The following WBP1L variants were observed in gnomAD, a reference collection of about 807,000 sequenced individuals.
The protein encoded by WBP1L is WW domain binding protein 1-like.
In WBP1L, 17 loss-of-function variants were observed where a neutral mutation model predicts 33.7. The observed-to-expected ratio is 0.50, with a 90% CI of 0.34 to 0.76. The LOEUF (loss-of-function observed/expected upper bound fraction) is 0.76, where lower values mean the gene tolerates loss of function less well. WBP1L is among the 30% of genes least tolerant of loss of function. WBP1L has a pLI of 0.01. For missense variants in WBP1L, 389 were observed against 469.4 expected (o/e 0.83, Z 1.58); for synonymous variants, 173 against 190.8 (o/e 0.91, Z 0.77).
chr10:102,808,909 TAAGAG>T (rs1843783257), intron 2 of WBP1L, among the ~76,000 whole-genome samples: 1 of 152,092 alleles, frequency 6.6e-6, no homozygotes, highest in South Asian at 2.1e-4. Context: ...AGAAATCTCT[TAAGAG>T]AGGAGGAGGA....
chr10:102,778,997 A>C (rs1843301779), intron 1 of WBP1L, among the ~76,000 whole-genome samples: 1 of 152,096 alleles, frequency 6.6e-6, no homozygotes, highest in Non-Finnish European at 1.5e-5. Flanking sequence ...AGAAAGGGTA[A>C]TTGAAGATTT....
At chr10:102,774,746 T>G (rs577974323) in intron 1 of WBP1L, among the ~76,000 whole-genome samples, 1 of 152,148 alleles carries the variant, frequency 6.6e-6, no homozygotes, top group Non-Finnish European at 1.5e-5. Context: ...ATAAGTATCA[T>G]GAAAGAAAAT....
chr10:102,749,108 A>G (rs953190361), intron 1 of WBP1L, among the ~76,000 whole-genome samples: 1 of 152,078 alleles, frequency 6.6e-6, no homozygotes, highest in Admixed American at 6.5e-5. Flanking sequence ...ATCCAGTAGA[A>G]CCTTCTGTGA....
intron 1 of WBP1L, among the ~76,000 whole-genome samples, chr10:102,793,563 T>C (rs766549447): frequency 4.6e-5 from 7 of 152,250 alleles, no homozygotes; most frequent in Non-Finnish European, 1.0e-4. Context: ...TTCATGTGTC[T>C]GGAGCAGCCC....
chr10:102,748,978 C>T (rs1278915391), intron 1 of WBP1L, among the ~76,000 whole-genome samples: 2 of 152,148 alleles, frequency 1.3e-5, no homozygotes, highest in East Asian at 3.9e-4. Context: ...GTGACATGTA[C>T]TCTGTGGCAG....
chr10:102,754,107 C>T (rs1393935681), intron 1 of WBP1L, among the ~76,000 whole-genome samples: 3 of 152,188 alleles, frequency 2.0e-5, no homozygotes, highest in Non-Finnish European at 2.9e-5. Flanking sequence ...AAATATTTTT[C>T]TCTCTTAGTA....
At chr10:102,763,091 C>G (rs1284324752) in intron 1 of WBP1L, among the ~76,000 whole-genome samples, 2 of 151,326 alleles carry the variant, frequency 1.3e-5, no homozygotes, top group African/African-American at 4.9e-5. Flanking sequence ...GTTGTCCCAG[C>G]TACTTCGGAA....
intron 1 of WBP1L, chr10:102,776,362 A>C (rs751871891): frequency 6.6e-5 from 106 of 1,613,990 alleles, no homozygotes; most frequent in Non-Finnish European, 7.9e-5. Flanking sequence ...CCTTTGTTCC[A>C]ACGTTAGTGT....
rs1389318009 is a variant in WBP1L, at chr10:102,813,736, C to T, written c.*405C>T. ...GTGCTCTGATTCTAGTTTAAGAGAA[C>T]GTTGCTGTATCTCAGTCCAGGAGAG... is the stretch of plus-strand genomic sequence containing the variant. On this transcript the variant is annotated 3_prime_UTR_variant, in exon 4 of 4. Coordinates refer to ENST00000448841, the MANE Select transcript of WBP1L (RefSeq NM_001083913.2). The T allele has an allele frequency of 1.7e-5, 3 of 178,708 alleles. No homozygotes were observed. The highest frequency in any genetic ancestry group is 3.6e-5 in the Non-Finnish European group (3 of 84,406). The allele number at this position is 178,708 out of a possible 1,614,324, so 11.1% of individuals were successfully genotyped here.
intron 1 of WBP1L, among the ~76,000 whole-genome samples, chr10:102,757,306 G>A (rs934334682): frequency 6.6e-6 from 1 of 152,208 alleles, no homozygotes; most frequent in Admixed American, 6.5e-5. Flanking sequence ...ACAGGCACAA[G>A]TCACCGCACC....
At chr10:102,810,691 A>T (rs1198081683) in intron 3 of WBP1L, among the ~76,000 whole-genome samples, 1 of 146,536 alleles carries the variant, frequency 6.8e-6, no homozygotes, top group Admixed American at 7.1e-5. Context: ...CTCAGCCTCC[A>T]AAGTAGCTGG....
At chr10:102,782,572 ACT>A (rs1843354290) in intron 1 of WBP1L, among the ~76,000 whole-genome samples, 1 of 151,878 alleles carries the variant, frequency 6.6e-6, no homozygotes, top group African/African-American at 2.4e-5. Flanking sequence ...GGGCTTCTTG[ACT>A]CTTATTTCTT....
chr10:102,776,461 TGG>T, intron 1 of WBP1L: 1 of 1,613,112 alleles, frequency 6.2e-7, no homozygotes, highest in Non-Finnish European at 8.5e-7. Flanking sequence ...GAAGAAGGGG[TGG>T]GAGCTTGTTT....
chr10:102,814,486 T>C lies in WBP1L; in HGVS notation c.*1155T>C, dbSNP rs1843899521. 1.8e-5 allele frequency: 2 copies of C among 113,134 alleles called. No homozygotes were observed. Among genetic ancestry groups the C allele is most frequent in the Non-Finnish European group, 3.7e-5 (2 of 54,102 alleles). The allele number at this position is 113,134 out of a possible 1,614,324, so 7.0% of individuals were successfully genotyped here. Reference sequence around the variant, plus strand: ...TCTTTGATTCTGAATAAATATTTTTTGTGGGGTTTTTTTTTTTTTTTTGGT... The same window carrying C: ...TCTTTGATTCTGAATAAATATTTTTCGTGGGGTTTTTTTTTTTTTTTTGGT... On this transcript the variant is annotated 3_prime_UTR_variant, in exon 4 of 4. Transcript: ENST00000448841.
At chr10:102,808,857 G>C (rs558984510) in intron 2 of WBP1L, among the ~76,000 whole-genome samples, 82 of 137,566 alleles carry the variant, frequency 6.0e-4, no homozygotes, top group Non-Finnish European at 9.8e-4. Context: ...TCTGAGTTGC[G>C]GGGGAGGGGA....
At chr10:102,778,978 A>G (rs1161194492) in intron 1 of WBP1L, among the ~76,000 whole-genome samples, 2 of 152,112 alleles carry the variant, frequency 1.3e-5, no homozygotes, top group Non-Finnish European at 2.9e-5. Context: ...GCATTGCTCA[A>G]TTGTCTAGAG....
rs559498180 is a variant in WBP1L, at chr10:102,775,665, T to C, written c.91-22328T>C. 5.0e-3 allele frequency among the ~76,000 whole-genome samples: 754 copies of C among 152,256 alleles called. 7 individuals are homozygous for C. The highest frequency in any genetic ancestry group is 0.017 in the African/African-American group (725 of 41,552). On this transcript the variant is annotated intron_variant, in intron 1 of 3. Transcript: ENST00000448841. Reference sequence around the variant, plus strand: ...CCAAGGTAGCGTGTCGTACCTTAGCTGGGGAAAAGGTGCCTCTCCAAGCCC... The same window carrying C: ...CCAAGGTAGCGTGTCGTACCTTAGCCGGGGAAAAGGTGCCTCTCCAAGCCC...
Position 102,776,234 on chromosome 10 carries a change from G to A in WBP1L, c.91-21759G>A, listed in dbSNP as rs1414599813. The A allele has an allele frequency of 1.1e-5, 17 of 1,542,678 alleles. No individual in the cohort carries two copies. The Admixed American group carries it at 1.9e-4, about 18-fold the overall frequency. On this transcript the variant is annotated intron_variant, in intron 1 of 3. Coordinates refer to ENST00000448841, the MANE Select transcript of WBP1L (RefSeq NM_001083913.2). ...AGAGCAGGAGACAGTGTGCCTGCTC[G>A]GTCCCAGGACTCTGTTTACTTTGTC...
rs890604914 is a variant in WBP1L at position 102,797,773 on chromosome 10, G to A, written c.91-220G>A. ...TCATCATGTTGGTCAGGCTGGTCTC[G>A]AACTCCTGACCTCGCGATCTGCCTG... is the stretch of plus-strand genomic sequence containing the variant. On this transcript the variant is annotated intron_variant, in intron 1 of 3. Coordinates refer to ENST00000448841, the MANE Select transcript of WBP1L (RefSeq NM_001083913.2). 2.0e-5 allele frequency among the ~76,000 whole-genome samples: 3 copies of A among 151,908 alleles called. No homozygotes were observed. The South Asian group carries it at 6.2e-4, about 32-fold the overall frequency.
Sources: gnomAD v4.1 joint callset for allele counts (sites outside exome capture counted in the v4.1 genomes callset) on GRCh38, gnomAD v4.1.1 for gene constraint, MANE v1.5 for transcripts, NCBI Gene and HGNC (gene_info 2026-07-23, HGNC 2026-07-21) for gene names.